The following CD55 variants were observed in gnomAD, a reference collection of about 807,000 sequenced individuals.
CD55 encodes the protein CD55 molecule (Cromer blood group), also known as complement decay-accelerating factor.
In CD55, 41 loss-of-function variants were observed where a neutral mutation model predicts 45.8. The ratio of observed to expected loss-of-function variants is 0.90; its 90% CI spans 0.70 to 1.16. CD55 has a LOEUF of 1.16. Ranked by LOEUF, CD55 falls within the 50% of genes most tolerant of loss-of-function variation. The pLI is 0.00. For missense variants in CD55, 416 were observed against 469.8 expected, an observed-to-expected ratio of 0.89 and a Z score of 1.06; for synonymous variants, 181 against 181.1, an observed-to-expected ratio of 1.00 and a Z score of 0.01.
intron 9 of CD55, among the ~76,000 whole-genome samples, chr1:207,344,516 T>G (rs1254306116): frequency 6.6e-6 from 1 of 152,122 alleles, no homozygotes; most frequent in Non-Finnish European, 1.5e-5. Flanking sequence ...AATCCTTGGT[T>G]GGTAGTCTTT....
rs1440210163 is a variant in CD55, at chr1:207,360,292, C to T, written c.*682C>T. 2.0e-5 allele frequency: 3 copies of T among 152,182 alleles called. No individual in the cohort carries two copies. The highest frequency in any genetic ancestry group is 7.2e-5 in the African/African-American group (3 of 41,524). The allele number at this position is 152,182 out of a possible 1,614,324, so 9.4% of individuals were successfully genotyped here. ...TCTTTAAAAGTATCCAGAGATACTA[C>T]AATATTAACATAAGAAAAGATTATA... is the stretch of plus-strand genomic sequence containing the variant. On this transcript the variant is annotated 3_prime_UTR_variant, in exon 10 of 10. Coordinates refer to ENST00000367064, the MANE Select transcript of CD55 (RefSeq NM_000574.5).
intron 4 of CD55, among the ~76,000 whole-genome samples, chr1:207,325,926 A>C (rs551157871): frequency 6.6e-6 from 1 of 152,354 alleles, no homozygotes; most frequent in East Asian, 1.9e-4. Context: ...AAACCACCAG[A>C]ATTCTCTAAA....
intron 9 of CD55, among the ~76,000 whole-genome samples, chr1:207,357,899 T>G (rs1656137592): frequency 6.6e-6 from 1 of 152,158 alleles, no homozygotes; most frequent in Admixed American, 6.5e-5. Context: ...CAGTAAGAGA[T>G]TAACACCAAC....
intron 5 of CD55, among the ~76,000 whole-genome samples, chr1:207,328,275 G>C (rs1439420994): frequency 6.6e-6 from 1 of 152,152 alleles, no homozygotes; most frequent in Non-Finnish European, 1.5e-5. Flanking sequence ...CTGTAGGAAA[G>C]AGCCCCTGTT....
chr1:207,324,786 G>T (rs377396643), intron 3 of CD55, 36 bp downstream of exon 3: 1 of 1,305,254 alleles, frequency 7.7e-7, no homozygotes, highest in Non-Finnish European at 1.1e-6. Context: ...TCAACCATCT[G>T]GTGTTTGGGG....
At chr1:207,352,551 A>G (rs1655908814) in intron 9 of CD55, among the ~76,000 whole-genome samples, 1 of 152,014 alleles carries the variant, frequency 6.6e-6, no homozygotes, top group African/African-American at 2.4e-5. Flanking sequence ...TGTTTTTTTC[A>G]CTTAGTAATT....
intron 9 of CD55, chr1:207,354,120 G>A (rs1655993816): frequency 1.3e-6 from 2 of 1,519,010 alleles, no homozygotes; most frequent in Non-Finnish European, 1.8e-6. Context: ...AGAATTCTAA[G>A]TTGGGTTCTT....
rs762832824 is a variant in CD55 at position 207,326,807 on chromosome 1, C to T, written c.634C>T (p.Gln212Ter). 3.7e-6 allele frequency: 6 copies of T among 1,613,818 alleles called. No individual in the cohort carries two copies. The highest frequency in any genetic ancestry group is 5.1e-6 in the Non-Finnish European group (6 of 1,179,806). Residue 212 changes from glutamine to a stop codon, truncating the protein, a stop_gained, in exon 5 of 10, where the codon CAG becomes TAG. Coordinates refer to ENST00000367064, the MANE Select transcript of CD55 (RefSeq NM_000574.5). LOFTEE classifies it high-confidence loss of function. ...TTGTCTTATTTCAGGCAGCTCTGTCCAGTGGAGTGACCCGTTGCCAGAGTG... is the reference window on the plus strand; with the variant it reads ...TTGTCTTATTTCAGGCAGCTCTGTCTAGTGGAGTGACCCGTTGCCAGAGTG... ...SFCLISGSSV[Q>*]WSDPLPECRE...
chr1:207,326,772 C>G lies in CD55; in HGVS notation c.599C>G (p.Thr200Ser). The G allele has an allele frequency of 6.2e-7, 1 of 1,613,600 alleles. No individual in the cohort carries two copies. Among genetic ancestry groups the G allele is most frequent in the Non-Finnish European group, 8.5e-7 (1 of 1,179,686 alleles). Reference protein sequence around the residue: ...CNTGYKLFGSTSSFCLISGSS... With the variant: ...CNTGYKLFGSSSSFCLISGSS... ...TTTAGGTACAAATTATTTGGCTCGA[C>G]TTCTAGTTTTTGTCTTATTTCAGGC... The change falls in exon 5 of 10, where the codon ACT becomes AGT. Residue 200 changes from threonine (T) to serine (S), a missense_variant. Transcript: ENST00000367064.
In CD55 at chr1:207,326,717, G is replaced by A. The variant is rs369630602; in HGVS notation, c.579-35G>A. On this transcript the variant is annotated intron_variant, in intron 4 of 9. Transcript: ENST00000367064. Reference sequence around the variant, plus strand: ...TGAGGAAAGTCAAATATGTGTGAATGTAACAAACTCTTTTTTCTTCCCCTG... The same window carrying A: ...TGAGGAAAGTCAAATATGTGTGAATATAACAAACTCTTTTTTCTTCCCCTG... The A allele has an allele frequency of 2.7e-6, 4 of 1,498,832 alleles. No homozygotes were observed. The African/African-American group carries it at 5.5e-5, about 21-fold the overall frequency. 92.8% of individuals were successfully genotyped at this position (1,498,832 alleles called of 1,614,324 possible).
rs542829499 is a variant in CD55 at position 207,358,887 on chromosome 1, G to C, written c.1082-659G>C. 2.6e-5 allele frequency among the ~76,000 whole-genome samples: 4 copies of C among 152,240 alleles called. No homozygotes were observed. The East Asian group carries it at 7.7e-4, about 29-fold the overall frequency. ...TATTGTAACGATTAGATGCTATAAT[G>C]CCACAAATATTCGGGGGGAAAGGGA... is the stretch of plus-strand genomic sequence containing the variant. On this transcript the variant is annotated intron_variant, in intron 9 of 9. Transcript: ENST00000367064.
chr1:207,322,959 C>T (rs550061986), intron 2 of CD55, among the ~76,000 whole-genome samples: 2 of 152,154 alleles, frequency 1.3e-5, no homozygotes, highest in Non-Finnish European at 2.9e-5. Context: ...TAAAAGCTCT[C>T]AATATTTACT....
At chr1:207,323,948 T>C (rs1654549429) in intron 2 of CD55, among the ~76,000 whole-genome samples, 1 of 152,206 alleles carries the variant, frequency 6.6e-6, no homozygotes, top group African/African-American at 2.4e-5. Context: ...TTGGGTCTTC[T>C]GACTACAAAT....
intron 6 of CD55, 107 bp downstream of exon 6, chr1:207,331,403 C>T (rs1507757): frequency 2.2e-6 from 2 of 892,532 alleles, no homozygotes; most frequent in African/African-American, 3.4e-5. Flanking sequence ...AAAATGTTTA[C>T]ATATACATAT....
chr1:207,344,341 A>T (rs1655546181), intron 9 of CD55, among the ~76,000 whole-genome samples: 1 of 151,976 alleles, frequency 6.6e-6, no homozygotes, highest in Non-Finnish European at 1.5e-5. Flanking sequence ...GTGTGTTTTC[A>T]TGATTGTAGA....
chr1:207,327,857 A>G (rs942236369), intron 5 of CD55, among the ~76,000 whole-genome samples: 1 of 152,170 alleles, frequency 6.6e-6, no homozygotes, highest in African/African-American at 2.4e-5. Flanking sequence ...GAGATGTCAT[A>G]CTACTACCTT....
chr1:207,336,518 G>A lies in CD55; in HGVS notation c.854-175G>A, dbSNP rs12077666. ...AGGTATAATTTATATCAAAGCAAAC[G>A]CAACTTAGAACTTCAGCTCCTTGAG... On this transcript the variant is annotated intron_variant, in intron 6 of 9. Transcript: ENST00000367064. 5.1e-3 allele frequency among the ~76,000 whole-genome samples: 771 copies of A among 152,190 alleles called. 5 individuals carry two copies. The highest frequency in any genetic ancestry group is 0.018 in the African/African-American group (742 of 41,512).
chr1:207,322,575 C>G lies in CD55; in HGVS notation c.286+8C>G. 6.3e-7 allele frequency: 1 copy of G among 1,587,914 alleles called. No homozygotes were observed. The highest frequency in any genetic ancestry group is 1.2e-5 in the South Asian group (1 of 86,882). The stretch of plus-strand genomic sequence containing the variant: ...TTGAAGAGTTCTGCAATCGTAAGTT[C>G]TTCATCTTTTTAGAAAAGTTCTGGG... On this transcript the variant is annotated splice_region_variant and intron_variant, in intron 2 of 9. Coordinates refer to ENST00000367064, the MANE Select transcript of CD55 (RefSeq NM_000574.5).
At position 207,325,706 on chromosome 1, in the gene CD55, T is replaced by C; in HGVS notation, c.563T>C (p.Phe188Ser). The C allele has an allele frequency of 1.2e-6, 2 of 1,603,744 alleles. No individual in the cohort carries two copies. Among genetic ancestry groups the C allele is most frequent in the South Asian group, 2.2e-5 (2 of 90,412 alleles). Residue 188 changes from phenylalanine to serine, a missense_variant, in exon 4 of 10, where the codon TTC becomes TCC. This residue lies in a region of CD55 where 111 missense variants were observed against 163.4 expected (regional missense o/e 0.68). Transcript: ENST00000367064. ...ATATTATTTGGTGCAACCATCTCCT[T>C]CTCATGTAACACAGGGTAAGTTTGG... ...GGILFGATIS[F>S]SCNTGYKLFG...
Sources: gnomAD v4.1 joint callset for allele counts (sites outside exome capture counted in the v4.1 genomes callset) on GRCh38, gnomAD v4.1.1 for gene constraint, gnomAD v4.1.1 regional missense constraint, MANE v1.5 for transcripts, NCBI Gene and HGNC (gene_info 2026-07-23, HGNC 2026-07-21) for gene names.